The following ADAMDEC1 variants were observed in gnomAD, a reference collection of about 807,000 sequenced individuals.
ADAMDEC1 encodes the protein ADAM like decysin 1.
Under a neutral mutation model 60.4 loss-of-function variants are expected in ADAMDEC1, and 62 were observed. The ratio of observed to expected loss-of-function variants is 1.03; its 90% confidence interval spans 0.84 to 1.27. The LOEUF is 1.27. Ranked by LOEUF, ADAMDEC1 falls within the 50% of genes most tolerant of loss-of-function variation. The pLI is 0.00. For synonymous variants in ADAMDEC1, 210 were observed against 195.1 expected, an observed-to-expected ratio of 1.08 and a Z score of -0.64; for missense variants, 595 against 565.0, an observed-to-expected ratio of 1.05 and a Z score of -0.54.
intron 5 of ADAMDEC1, among the ~76,000 whole-genome samples, chr8:24,396,354 CA>C (rs956079172): frequency 7.3e-5 from 11 of 150,440 alleles, no homozygotes; most frequent in Middle Eastern, 3.2e-3. Flanking sequence ...ACTAAAAATA[CA>C]AAAAAAAATA....
rs138639032 is a variant in ADAMDEC1 at position 24,398,950 on chromosome 8, T to C, written c.839T>C (p.Val280Ala). The change falls in exon 9 of 14, where the codon GTG becomes GCG. Residue 280 changes from valine to alanine, a missense_variant. Coordinates refer to ENST00000256412, the MANE Select transcript of ADAMDEC1 (RefSeq NM_014479.3). ...TCTGATGGGGATAAGATAAAGGTGG[T>C]GCCCAGCGCAAGCACCACGTTTGAC... Reference protein sequence around the residue: ...IWSDGDKIKVVPSASTTFDNF... With the variant: ...IWSDGDKIKVAPSASTTFDNF... The C allele has an allele frequency of 4.6e-5, 75 of 1,613,740 alleles. No homozygotes were observed. In the African/African-American group the frequency reaches 6.7e-4, roughly 14 times the overall value.
intron 9 of ADAMDEC1, 40 bp downstream of exon 9, chr8:24,399,080 T>C (rs756071843): frequency 1.3e-6 from 2 of 1,584,114 alleles, no homozygotes; most frequent in African/African-American, 2.7e-5. Flanking sequence ...GCAGAATGGA[T>C]AGCTATCCCC....
chr8:24,398,356 G>T, intron 7 of ADAMDEC1, 124 bp from the exon 8 acceptor site: 1 of 605,038 alleles, frequency 1.7e-6, no homozygotes, highest in Non-Finnish European at 2.9e-6. Flanking sequence ...ATTTAATTAT[G>T]GAATGAATAG....
At chr8:24,396,682 G>T in intron 5 of ADAMDEC1, among the ~76,000 whole-genome samples, 1 of 152,058 alleles carries the variant, frequency 6.6e-6, no homozygotes. Flanking sequence ...CAACATGGCT[G>T]ATAACACACA....
rs1175199212 is a variant in ADAMDEC1 at position 24,384,596 on chromosome 8, C to T, written c.88+4C>T. Reference sequence around the variant, plus strand: ...TGGCTCATTGTTCAAACTCAAGGTACGTACCATCACACCAGCATTTTACAT... The same window carrying T: ...TGGCTCATTGTTCAAACTCAAGGTATGTACCATCACACCAGCATTTTACAT... On this transcript the variant is annotated splice_donor_region_variant and intron_variant, in intron 1 of 13. Transcript: ENST00000256412. 16 of 1,604,616 alleles carry T rather than the reference C, an allele frequency of 1.0e-5. No individual in the cohort carries two copies. Among genetic ancestry groups the T allele is most frequent in the Non-Finnish European group, 1.2e-5 (14 of 1,176,104 alleles).
rs1216819128 is a variant in ADAMDEC1, at chr8:24,401,808, T to C, written c.1143-107T>C. ...TTGGAATTTCCATTGAGCTCGGTAA[T>C]ACAGTTAGATAAATCAGAGTCTCGT... On this transcript the variant is annotated intron_variant, in intron 11 of 13. Coordinates refer to ENST00000256412, the MANE Select transcript of ADAMDEC1 (RefSeq NM_014479.3). 3.9e-6 allele frequency: 4 copies of C among 1,016,960 alleles called. No homozygotes were observed. The African/African-American group carries it at 4.9e-5, about 12-fold the overall frequency. The allele number at this position is 1,016,960 out of a possible 1,614,324, so 63.0% of individuals were successfully genotyped here.
At chr8:24,397,170 T>C (rs746969357) in intron 5 of ADAMDEC1, 100 bp from the exon 6 acceptor site, 11 of 1,066,140 alleles carry the variant, frequency 1.0e-5, no homozygotes, top group Non-Finnish European at 1.5e-5. Flanking sequence ...CAAGGCTATG[T>C]GTGAAATTGG....
At chr8:24,403,803 T>G (rs945898748) in intron 12 of ADAMDEC1, among the ~76,000 whole-genome samples, 200 bp from the exon 13 acceptor site, 1 of 152,208 alleles carries the variant, frequency 6.6e-6, no homozygotes, top group African/African-American at 2.4e-5. Context: ...ATTTCTCACC[T>G]TTTGAGAAGT....
chr8:24,392,125 T>C (rs1322203327), intron 1 of ADAMDEC1, 137 bp from the exon 2 acceptor site: 5 of 515,036 alleles, frequency 9.7e-6, no homozygotes, highest in Admixed American at 7.9e-5. Flanking sequence ...TAACTTGTTA[T>C]TCATAATGTT....
intron 1 of ADAMDEC1, chr8:24,387,724 A>C (rs1365938085): frequency 6.6e-6 from 1 of 152,214 alleles, no homozygotes; most frequent in Non-Finnish European, 1.5e-5. Context: ...CAAACTTGGA[A>C]ATCCCCAGCA....
intron 5 of ADAMDEC1, 71 bp downstream of exon 5, chr8:24,395,867 A>G: frequency 8.3e-7 from 1 of 1,202,058 alleles, no homozygotes; most frequent in Non-Finnish European, 1.2e-6. Flanking sequence ...GCTACTAGAT[A>G]TTGTCTTCTT....
chr8:24,401,763 G>A, intron 11 of ADAMDEC1, 152 bp from the exon 12 acceptor site: 1 of 640,936 alleles, frequency 1.6e-6, no homozygotes. Context: ...ATACAGGGCA[G>A]TCCTAAATGG....
chr8:24,398,421 C>A, intron 7 of ADAMDEC1, 59 bp from the exon 8 acceptor site: 1 of 949,964 alleles, frequency 1.1e-6, no homozygotes, highest in Non-Finnish European at 1.6e-6. Context: ...TCTTGTATGC[C>A]ATCAGCTTTC....
At chr8:24,398,818 C>G in intron 8 of ADAMDEC1, 56 bp from the exon 9 acceptor site, 1 of 1,558,440 alleles carries the variant, frequency 6.4e-7, no homozygotes, top group Non-Finnish European at 8.8e-7. Context: ...AACAAAAGCT[C>G]TCAGACACGA....
intron 1 of ADAMDEC1, chr8:24,387,309 C>T (rs1468107752): frequency 2.6e-5 from 4 of 152,190 alleles, no homozygotes; most frequent in Non-Finnish European, 5.9e-5. Context: ...ATATTTGTCT[C>T]CTCTGTGGCA....
chr8:24,403,654 G>T (rs1196288849), intron 12 of ADAMDEC1, among the ~76,000 whole-genome samples: 1 of 151,942 alleles, frequency 6.6e-6, no homozygotes. Context: ...AGTTCTTCAT[G>T]GAGTTCCTGC....
chr8:24,394,121 G>A lies in ADAMDEC1; in HGVS notation c.337G>A (p.Glu113Lys). 1.9e-6 allele frequency: 3 copies of A among 1,613,286 alleles called. No homozygotes were observed. The highest frequency in any genetic ancestry group is 1.7e-6 in the Non-Finnish European group (2 of 1,179,344). The change falls in exon 4 of 14, where the codon GAA becomes AAA. Residue 113 changes from glutamate (E) to lysine (K), a missense_variant. By Grantham distance (56) the Glu-to-Lys change is moderately conservative. Transcript: ENST00000256412. ...AACATTGTACTCACCCAGAGGAGAG[G>A]AAATTACCACGAAACCTGAGAACAT... ...TETLYSPRGEEITTKPENMEH... is the reference protein window; with the variant it reads ...TETLYSPRGEKITTKPENMEH...
chr8:24,390,021 T>A, intron 1 of ADAMDEC1: 1 of 356,702 alleles, frequency 2.8e-6, no homozygotes, highest in South Asian at 2.2e-5. Flanking sequence ...TCATAATGTA[T>A]GCTTCATATG....
At position 24,398,939 on chromosome 8, in the gene ADAMDEC1, G is replaced by A; in HGVS notation, c.828G>A (p.Lys276=). 1.2e-6 allele frequency: 2 copies of A among 1,613,910 alleles called. No homozygotes were observed. Among genetic ancestry groups the A allele is most frequent in the Non-Finnish European group, 1.7e-6 (2 of 1,179,894 alleles). ...TGGAAATCTGGTCTGATGGGGATAAGATAAAGGTGGTGCCCAGCGCAAGCA... is the reference window on the plus strand; with the variant it reads ...TGGAAATCTGGTCTGATGGGGATAAAATAAAGGTGGTGCCCAGCGCAAGCA... ...VGMEIWSDGD[K]IKVVPSASTT... is the part of the protein sequence containing the mutation. Residue 276 remains lysine, a synonymous_variant, in exon 9 of 14, where the codon AAG becomes AAA. Transcript: ENST00000256412.
Sources: gnomAD v4.1 joint callset for allele counts (sites outside exome capture counted in the v4.1 genomes callset) on GRCh38, gnomAD v4.1.1 for gene constraint, MANE v1.5 for transcripts, NCBI Gene and HGNC (gene_info 2026-07-23, HGNC 2026-07-21) for gene names.